The following NINL variants were observed in gnomAD, a reference collection of about 807,000 sequenced individuals.
NINL encodes the protein ninein-like protein.
NINL carries 153 observed loss-of-function variants against 160.3 expected under a neutral mutation model. That is an observed-to-expected ratio of 0.95 (90% CI 0.84 to 1.09). The LOEUF (loss-of-function observed/expected upper bound fraction) is 1.09. Ranked by LOEUF, NINL falls within the 50% of genes least tolerant of loss-of-function variation. The pLI is 0.00. For synonymous variants in NINL, 800 were observed against 734.8 expected, an observed-to-expected ratio of 1.09 and a Z score of -1.43; for missense variants, 1,829 against 1,764.0, an observed-to-expected ratio of 1.04 and a Z score of -0.66.
chr20:25,485,319 A>G (rs1401557913), intron 13 of NINL, among the ~76,000 whole-genome samples: 2 of 152,232 alleles, frequency 1.3e-5, no homozygotes, highest in Non-Finnish European at 2.9e-5. Flanking sequence ...TGTGGCTTTT[A>G]CAAATTTCTG....
intron 19 of NINL, among the ~76,000 whole-genome samples, chr20:25,466,547 C>T (rs1043668037): frequency 6.6e-6 from 1 of 152,068 alleles, no homozygotes; most frequent in Non-Finnish European, 1.5e-5. Flanking sequence ...CACCTATAAT[C>T]CCAGCAATTT....
chr20:25,521,331 AT>A (rs2064259216), intron 2 of NINL, among the ~76,000 whole-genome samples: 3 of 152,232 alleles, frequency 2.0e-5, no homozygotes, highest in Admixed American at 6.5e-5. Context: ...TCTTTTAGAT[AT>A]TTTTTAAGCT....
At chr20:25,536,389 T>A (rs2064557064) in intron 1 of NINL, among the ~76,000 whole-genome samples, 1 of 152,004 alleles carries the variant, frequency 6.6e-6, no homozygotes, top group African/African-American at 2.4e-5. Flanking sequence ...GATGGAGCAT[T>A]TGGAAAAAAT....
intron 1 of NINL, among the ~76,000 whole-genome samples, chr20:25,576,163 T>A (rs755511033): frequency 6.6e-6 from 1 of 152,222 alleles, no homozygotes; most frequent in African/African-American, 2.4e-5. Context: ...TGTACACGGT[T>A]TTCCTGTCCC....
intron 17 of NINL, 119 bp downstream of exon 17, chr20:25,475,924 G>GT: frequency 2.8e-6 from 3 of 1,059,018 alleles, no homozygotes; most frequent in Non-Finnish European, 4.1e-6. Flanking sequence ...GCCCCCATCA[G>GT]GGGCTGCGAG....
At position 25,508,491 on chromosome 20, in the gene NINL, C is replaced by A. The variant is rs1261995619; in HGVS notation, c.517+2183G>T. ...CCAGGGCAAAGGGAATGGCGGGGCA[C>A]CCTGTCTGGAGTTGGGGGTTCCCGG... On this transcript the variant is annotated intron_variant, in intron 5 of 23. Transcript: ENST00000278886. Among the ~76,000 whole-genome samples the A allele has an allele frequency of 3.3e-5, 5 of 152,360 alleles. No individual in the cohort carries two copies. In the South Asian group the frequency reaches 1.0e-3, roughly 32 times the overall value.
intron 19 of NINL, 53 bp from the exon 20 acceptor site, chr20:25,462,594 G>A: frequency 6.9e-7 from 1 of 1,456,378 alleles, no homozygotes; most frequent in East Asian, 2.3e-5. Flanking sequence ...TAATTTTCAT[G>A]TTATATATAC....
At position 25,517,794 on chromosome 20, in the gene NINL, C is replaced by A. The variant is rs6115203; in HGVS notation, c.236G>T (p.Gly79Val). 2,065 of 1,608,530 alleles carry A rather than the reference C, an allele frequency of 1.3e-3. 30 individuals are homozygous for A. In the African/African-American group the frequency reaches 0.024, roughly 18 times the overall value. Residue 79 changes from glycine (G) to valine (V), a missense_variant, in exon 3 of 24, where the codon GGT becomes GTT. Physicochemically the swap from Gly to Val is moderately radical, Grantham distance 109. Transcript: ENST00000278886. ...GFVAVLSSNA[G>V]VRPSDEDSSS... Reference sequence around the variant, plus strand: ...ACTGTCTTCATCTGAGGGGCGAACACCAGCATTTGAAGACAACACAGCCAC... The same window carrying A: ...ACTGTCTTCATCTGAGGGGCGAACAACAGCATTTGAAGACAACACAGCCAC...
At chr20:25,487,370 CACCTGGCAATGCT>C (rs774367564) in intron 13 of NINL, among the ~76,000 whole-genome samples, 28 of 152,252 alleles carry the variant, frequency 1.8e-4, no homozygotes, top group Middle Eastern at 3.4e-3. Context: ...CTTATCTGTT[CACCTGGCAATGCT>C]GCCTGGAAAG....
rs559925282 is a variant in NINL at position 25,560,136 on chromosome 20, G to C, written c.-12+25319C>G. On this transcript the variant is annotated intron_variant, in intron 1 of 23. Coordinates refer to ENST00000278886, the MANE Select transcript of NINL (RefSeq NM_025176.6). ...AATTTTTAAAATTTTTATAGACAGG[G>C]TCTTGCCTTGTTGCCCAGGCTGGTC... 5.3e-5 allele frequency among the ~76,000 whole-genome samples: 8 copies of C among 152,074 alleles called. No individual in the cohort carries two copies. The South Asian group carries it at 1.2e-3, about 24-fold the overall frequency.
chr20:25,532,021 C>T (rs886429985), intron 1 of NINL, among the ~76,000 whole-genome samples: 8 of 152,204 alleles, frequency 5.3e-5, no homozygotes, highest in Non-Finnish European at 1.0e-4. Context: ...CTGGGGCCTG[C>T]AGAGCCCTGG....
chr20:25,458,246 C>T, intron 22 of NINL, 137 bp downstream of exon 22: 2 of 1,198,444 alleles, frequency 1.7e-6, no homozygotes, highest in Non-Finnish European at 2.4e-6. Flanking sequence ...TCCCTACAGC[C>T]TTCCTTACCA....
intron 13 of NINL, among the ~76,000 whole-genome samples, chr20:25,483,734 C>T (rs1268076191): frequency 1.3e-5 from 2 of 152,254 alleles, no homozygotes; most frequent in Non-Finnish European, 2.9e-5. Flanking sequence ...TACGTCCTAA[C>T]CAGTATGCTC....
chr20:25,488,684 G>A (rs1248713364), intron 13 of NINL, among the ~76,000 whole-genome samples: 1 of 151,828 alleles, frequency 6.6e-6, no homozygotes, highest in East Asian at 1.9e-4. Flanking sequence ...CACATTCCTG[G>A]CTAGTTTTTA....
At chr20:25,555,188 T>G (rs2064852040) in intron 1 of NINL, among the ~76,000 whole-genome samples, 1 of 152,202 alleles carries the variant, frequency 6.6e-6, no homozygotes, top group South Asian at 2.1e-4. Context: ...GGCGTCTAGC[T>G]TGGTGGAGCC....
chr20:25,491,599 G>T, intron 10 of NINL, 74 bp from the exon 11 acceptor site: 1 of 1,532,930 alleles, frequency 6.5e-7, no homozygotes. Flanking sequence ...CCCCTTCCTA[G>T]CCTCCTCCCT....
chr20:25,550,104 G>T (rs1404653184), intron 1 of NINL, among the ~76,000 whole-genome samples: 1 of 152,204 alleles, frequency 6.6e-6, no homozygotes, highest in African/African-American at 2.4e-5. Flanking sequence ...AAAGGGGGTG[G>T]ATACAGTGGC....
chr20:25,521,927 C>CT (rs891433632), intron 2 of NINL, among the ~76,000 whole-genome samples: 9 of 151,644 alleles, frequency 5.9e-5, no homozygotes, highest in African/African-American at 1.5e-4. Flanking sequence ...ATTTACTACA[C>CT]TTTTTTTTTG....
chr20:25,508,774 T>C (rs2064010456), intron 5 of NINL, among the ~76,000 whole-genome samples: 1 of 152,206 alleles, frequency 6.6e-6, no homozygotes, highest in Admixed American at 6.5e-5. Context: ...GCTCCTTTCA[T>C]CACTGCCTCC....
Sources: gnomAD v4.1 joint callset for allele counts (sites outside exome capture counted in the v4.1 genomes callset) on GRCh38, gnomAD v4.1.1 for gene constraint, MANE v1.5 for transcripts, NCBI Gene and HGNC (gene_info 2026-07-23, HGNC 2026-07-21) for gene names.